The following DPP10 variants were observed in gnomAD, a reference collection of about 807,000 sequenced individuals.
DPP10 encodes the protein inactive dipeptidyl peptidase 10.
A neutral mutation model predicts 120.9 loss-of-function variants in DPP10; 33 were observed. That is an observed-to-expected ratio of 0.27 (90% CI 0.21 to 0.37). The LOEUF (loss-of-function observed/expected upper bound fraction) is 0.37. DPP10 is among the 10% of genes least tolerant of loss of function. The pLI is 1.00. For missense variants in DPP10, 816 were observed against 942.8 expected (o/e 0.87, Z 1.76); for synonymous variants, 337 against 326.1 (o/e 1.03, Z -0.36).
intron 8 of DPP10, among the ~76,000 whole-genome samples, chr2:115,735,092 T>C (rs2093004515): frequency 6.6e-6 from 1 of 152,042 alleles, no homozygotes; most frequent in Non-Finnish European, 1.5e-5. Flanking sequence ...GATAAGAAAA[T>C]AAATTCCACG....
At chr2:115,276,198 G>A (rs747419065) in intron 1 of DPP10, among the ~76,000 whole-genome samples, 1 of 152,076 alleles carries the variant, frequency 6.6e-6, no homozygotes, top group Non-Finnish European at 1.5e-5. Context: ...TTAGAGAGGG[G>A]AGTATAAAGA....
chr2:114,459,209 G>A (rs143316837), intron 1 of DPP10, among the ~76,000 whole-genome samples: 83 of 152,264 alleles, frequency 5.5e-4, no homozygotes, highest in African/African-American at 1.9e-3. Context: ...TGTTCTTACC[G>A]TTGCTGTGAC....
chr2:115,406,932 A>G (rs1219227085), intron 3 of DPP10, among the ~76,000 whole-genome samples: 3 of 152,234 alleles, frequency 2.0e-5, no homozygotes, highest in Non-Finnish European at 4.4e-5. Flanking sequence ...TTGTTGTAGA[A>G]AAAACCGGGT....
intron 5 of DPP10, among the ~76,000 whole-genome samples, chr2:115,664,355 A>G (rs1283743817): frequency 2.0e-5 from 3 of 152,126 alleles, no homozygotes; most frequent in Non-Finnish European, 4.4e-5. Context: ...TTGGTTCATC[A>G]GCAGGGAAAA....
chr2:114,632,573 T>A (rs1241568957), intron 1 of DPP10, among the ~76,000 whole-genome samples: 1 of 133,280 alleles, frequency 7.5e-6, no homozygotes, highest in East Asian at 2.6e-4. Context: ...AGTGTAGTGG[T>A]GCGATCTCGG....
intron 3 of DPP10, among the ~76,000 whole-genome samples, chr2:115,495,685 G>A (rs985031106): frequency 1.3e-5 from 2 of 152,036 alleles, no homozygotes; most frequent in African/African-American, 4.8e-5. Context: ...AAATTGGATC[G>A]AAATGGCAGT....
Position 115,348,401 on chromosome 2 carries a change from C to T in DPP10, c.271+4489C>T, listed in dbSNP as rs140690720. On this transcript the variant is annotated intron_variant, in intron 3 of 25. Transcript: ENST00000410059. ...TGATATCACATTGTCTATTGTGTAA[C>T]AGTGATTGTCTCCAGATTATCCCTT... Among the ~76,000 whole-genome samples, 565 of 152,208 alleles carry T rather than the reference C, an allele frequency of 3.7e-3. 1 individual carries two copies. The highest frequency in any genetic ancestry group is 0.013 in the African/African-American group (527 of 41,542).
At chr2:115,573,631 A>G (rs1292903065) in intron 5 of DPP10, among the ~76,000 whole-genome samples, 2 of 116,802 alleles carry the variant, frequency 1.7e-5, no homozygotes, top group Non-Finnish European at 3.3e-5. Context: ...TCTGTCACCC[A>G]GGCTGGAGTG....
At chr2:115,521,990 G>T (rs564325079) in intron 4 of DPP10, among the ~76,000 whole-genome samples, 4 of 152,114 alleles carry the variant, frequency 2.6e-5, no homozygotes, top group East Asian at 1.9e-4. Flanking sequence ...TTCTCATATT[G>T]TAGGTTGTAA....
At chr2:115,371,380 T>C (rs2065399469) in intron 3 of DPP10, among the ~76,000 whole-genome samples, 1 of 152,186 alleles carries the variant, frequency 6.6e-6, no homozygotes, top group South Asian at 2.1e-4. Flanking sequence ...AAACTCACCT[T>C]TTTTAAGAAA....
chr2:115,362,041 T>C (rs1485190765), intron 3 of DPP10, among the ~76,000 whole-genome samples: 1 of 152,060 alleles, frequency 6.6e-6, no homozygotes, highest in Non-Finnish European at 1.5e-5. Flanking sequence ...ATGTTTTGTG[T>C]GTATATTTGT....
chr2:115,256,525 C>A (rs965485178), intron 1 of DPP10, among the ~76,000 whole-genome samples: 1 of 152,232 alleles, frequency 6.6e-6, no homozygotes. Context: ...AGTAGTGTTC[C>A]GAGGTAGTGT....
chr2:115,148,547 G>C (rs1343000079), intron 1 of DPP10, among the ~76,000 whole-genome samples: 1 of 152,180 alleles, frequency 6.6e-6, no homozygotes, highest in African/African-American at 2.4e-5. Context: ...CATGACCCTG[G>C]AGAGCTAGAG....
intron 5 of DPP10, among the ~76,000 whole-genome samples, chr2:115,590,178 AT>A (rs1274444422): frequency 2.1e-5 from 3 of 143,732 alleles, no homozygotes; most frequent in Non-Finnish European, 3.0e-5. Context: ...TATTATTATT[AT>A]TATTATACTT....
chr2:115,366,768 C>T (rs1470325198), intron 3 of DPP10, among the ~76,000 whole-genome samples: 1 of 152,066 alleles, frequency 6.6e-6, no homozygotes, highest in Non-Finnish European at 1.5e-5. Context: ...TTCTCAGTGT[C>T]TAATCAAATT....
intron 5 of DPP10, among the ~76,000 whole-genome samples, chr2:115,632,701 C>T (rs1292554742): frequency 2.0e-5 from 3 of 152,036 alleles, no homozygotes; most frequent in Non-Finnish European, 4.4e-5. Flanking sequence ...GGCTAATGTC[C>T]AGAATCTATA....
intron 1 of DPP10, among the ~76,000 whole-genome samples, chr2:114,968,869 G>C (rs796713553): frequency 4.6e-5 from 7 of 152,206 alleles, no homozygotes; most frequent in African/African-American, 1.7e-4. Flanking sequence ...CTATTACTTT[G>C]TCAAGGCAAT....
At chr2:115,469,735 C>T (rs772229036) in intron 3 of DPP10, among the ~76,000 whole-genome samples, 3 of 151,900 alleles carry the variant, frequency 2.0e-5, no homozygotes, top group Non-Finnish European at 4.4e-5. Flanking sequence ...CCCATCTCTA[C>T]TAAAAATACA....
chr2:115,400,027 G>A (rs1216350521), intron 3 of DPP10, among the ~76,000 whole-genome samples: 1 of 152,112 alleles, frequency 6.6e-6, no homozygotes, highest in Non-Finnish European at 1.5e-5. Context: ...TCATATGGCT[G>A]GAGCAGGAGC....
Sources: allele counts gnomAD v4.1 joint callset (sites outside exome capture counted in the v4.1 genomes callset), GRCh38; gene constraint gnomAD v4.1.1; transcripts MANE v1.5; gene names NCBI Gene and HGNC (gene_info 2026-07-23, HGNC 2026-07-21).